JAK1: variants seen among roughly 807,000 people sequenced by gnomAD.
The protein encoded by JAK1 is tyrosine-protein kinase JAK1.
In JAK1, 16 loss-of-function variants were observed where a neutral mutation model predicts 136.6. The ratio of observed to expected loss-of-function variants is 0.12; its 90% CI spans 0.08 to 0.18. JAK1 has a LOEUF of 0.18. JAK1 is among the 10% of genes least tolerant of loss of function. The probability of loss-of-function intolerance (pLI) is 1.00; values close to 1 mark genes in which losing one functional copy is unlikely to be tolerated. For missense variants in JAK1, 859 were observed against 1,450.1 expected (o/e 0.59, Z 6.62); for synonymous variants, 492 against 519.5 (o/e 0.95, Z 0.72).
chr1:64,971,339 T>C (rs769218025), upstream of JAK1, among the ~76,000 whole-genome samples: 10 of 152,222 alleles, frequency 6.6e-5, no homozygotes, highest in Non-Finnish European at 5.9e-5. Flanking sequence ...CAAGTCTTCA[T>C]AACGAATGAA....
At chr1:65,027,199 A>C (rs1230322266) in intron 2 of JAK1, among the ~76,000 whole-genome samples, 3 of 151,046 alleles carry the variant, frequency 2.0e-5, no homozygotes, top group African/African-American at 7.3e-5. Flanking sequence ...GGTGCACACC[A>C]CCACACCTGG....
intron 2 of JAK1, among the ~76,000 whole-genome samples, chr1:64,983,652 G>T (rs1214284614): frequency 2.0e-5 from 3 of 152,150 alleles, no homozygotes; most frequent in Middle Eastern, 3.2e-3. Flanking sequence ...TACTACAAGG[G>T]GAAGGAGTTG....
intron 2 of JAK1, among the ~76,000 whole-genome samples, chr1:65,043,418 A>T (rs1647153130): frequency 6.6e-6 from 1 of 152,226 alleles, no homozygotes; most frequent in Non-Finnish European, 1.5e-5. Context: ...ACTTCAGATA[A>T]TAAAAACAAA....
intron 1 of JAK1, among the ~76,000 whole-genome samples, chr1:64,955,445 T>C (rs1646169344): frequency 6.6e-6 from 1 of 152,146 alleles, no homozygotes. Flanking sequence ...GAAAAGTGCA[T>C]TAAATGAACA....
At chr1:65,028,789 T>G (rs1360185477) in intron 2 of JAK1, among the ~76,000 whole-genome samples, 3 of 152,214 alleles carry the variant, frequency 2.0e-5, no homozygotes, top group African/African-American at 7.2e-5. Flanking sequence ...ATAAGGGTTA[T>G]CATCCCTATT....
chr1:64,900,269 G>C, intron 1 of JAK1, among the ~76,000 whole-genome samples: 1 of 152,178 alleles, frequency 6.6e-6, no homozygotes, highest in East Asian at 1.9e-4. Flanking sequence ...TATGACTTCA[G>C]AGGACAAAGA....
intron 2 of JAK1, among the ~76,000 whole-genome samples, chr1:65,032,194 G>A (rs960219970): frequency 6.6e-6 from 1 of 152,022 alleles, no homozygotes; most frequent in South Asian, 2.1e-4. Flanking sequence ...TCAAACTCTT[G>A]ACCTCAGGTG....
chr1:64,903,117 C>T (rs1384486644), intron 1 of JAK1, among the ~76,000 whole-genome samples: 2 of 152,298 alleles, frequency 1.3e-5, no homozygotes, highest in Non-Finnish European at 2.9e-5. Flanking sequence ...ACCTCCACCT[C>T]CCAGGTTCAA....
At chr1:64,867,407 C>A (rs1331246181) in intron 6 of JAK1, among the ~76,000 whole-genome samples, 199 bp from the exon 7 acceptor site, 1 of 152,192 alleles carries the variant, frequency 6.6e-6, no homozygotes, top group Non-Finnish European at 1.5e-5. Context: ...GAAAGAAAAG[C>A]AAAGCACATG....
chr1:64,835,997 C>A, intron 23 of JAK1, 101 bp downstream of exon 23: 1 of 702,208 alleles, frequency 1.4e-6, no homozygotes. Context: ...CATTATAATA[C>A]ATTCATTGGA....
chr1:64,864,365 G>C (rs571755492), intron 8 of JAK1, among the ~76,000 whole-genome samples: 1 of 152,220 alleles, frequency 6.6e-6, no homozygotes, highest in Non-Finnish European at 1.5e-5. Context: ...ACACCATATC[G>C]ATGACTGCCA....
rs774843930 is a variant in JAK1 at position 64,869,437 on chromosome 1, C to T, written c.521G>A (p.Arg174Gln). ...YDLVKCLAPI[R>Q]DPKTEQDGHD... ...TCCATCCTGCTCGGTCTTGGGGTCT[C>T]GAATAGGAGCCAGGCATTTCACCAA... Residue 174 changes from arginine (R) to glutamine (Q), a missense_variant, in exon 6 of 25, where the codon CGA becomes CAA. Around this residue, in one of 4 missense-constraint regions of JAK1, gnomAD observed 353 missense variants for 494.0 expected, o/e 0.71. Coordinates refer to ENST00000342505, the MANE Select transcript of JAK1 (RefSeq NM_002227.4). 8 of 1,613,930 alleles carry T rather than the reference C, an allele frequency of 5.0e-6. No homozygotes were observed. Among genetic ancestry groups the T allele is most frequent in the Non-Finnish European group, 5.9e-6 (7 of 1,179,942 alleles).
chr1:64,865,201 A>G (rs984550199), intron 7 of JAK1, among the ~76,000 whole-genome samples: 1 of 152,188 alleles, frequency 6.6e-6, no homozygotes, highest in Non-Finnish European at 1.5e-5. Flanking sequence ...CTTAATGAGC[A>G]CACTGTCTAA....
chr1:65,021,620 T>C lies in JAK1; in HGVS notation c.-78+22860A>G, dbSNP rs543823948. Among the ~76,000 whole-genome samples the C allele has an allele frequency of 5.9e-5, 9 of 152,302 alleles. No homozygotes were observed. In the South Asian group the frequency reaches 6.2e-4, roughly 11 times the overall value. ...CCAAGGAATGCTAAGAAGTTGTTCA[T>C]TGAATCCCTGAGTTCTAAACATAGC... On this transcript the variant is annotated intron_variant, in intron 2 of 25. Transcript: ENST00000671954.
chr1:64,985,674 T>C, intron 2 of JAK1: 2 of 724,462 alleles, frequency 2.8e-6, no homozygotes, highest in South Asian at 3.0e-5. Flanking sequence ...GTCTCCGATG[T>C]ACGTGGGCAC....
At chr1:65,002,939 C>A (rs1421497566) in intron 2 of JAK1, among the ~76,000 whole-genome samples, 2 of 152,066 alleles carry the variant, frequency 1.3e-5, no homozygotes, top group Non-Finnish European at 2.9e-5. Flanking sequence ...GCTTTCTTGG[C>A]CCGGGCTTGG....
chr1:64,994,647 G>A (rs1280378162), intron 2 of JAK1, among the ~76,000 whole-genome samples: 2 of 152,148 alleles, frequency 1.3e-5, no homozygotes, highest in South Asian at 2.1e-4. Context: ...TCCCAACACT[G>A]CCGCATTCAG....
chr1:64,913,918 A>G (rs962479200), intron 1 of JAK1, among the ~76,000 whole-genome samples: 2 of 152,202 alleles, frequency 1.3e-5, no homozygotes, highest in Non-Finnish European at 2.9e-5. Flanking sequence ...CAAGTTTGAG[A>G]GCATGTAGTG....
intron 9 of JAK1, 63 bp downstream of exon 9, chr1:64,860,042 C>A: frequency 7.6e-7 from 1 of 1,315,382 alleles, no homozygotes; most frequent in Non-Finnish European, 1.0e-6. Context: ...TGATGACATG[C>A]CCCATCACTA....
Sources: allele counts gnomAD v4.1 joint callset (sites outside exome capture counted in the v4.1 genomes callset), GRCh38; gene constraint gnomAD v4.1.1; regional missense constraint gnomAD v4.1.1; transcripts MANE v1.5; gene names NCBI Gene and HGNC (gene_info 2026-07-23, HGNC 2026-07-21).